Variants in TBX10 observed in about 807,000 individuals in gnomAD.
The protein encoded by TBX10 is T-box transcription factor 10.
TBX10 carries 26 observed loss-of-function variants against 32.4 expected under a neutral mutation model. The ratio of observed to expected loss-of-function variants is 0.80; its 90% CI spans 0.59 to 1.11. The LOEUF is 1.11. TBX10 is among the 50% of genes most tolerant of loss of function. The pLI is 0.00. For missense variants in TBX10, 490 were observed against 494.5 expected, an observed-to-expected ratio of 0.99 and a Z score of 0.09; for synonymous variants, 195 against 203.1, an observed-to-expected ratio of 0.96 and a Z score of 0.34.
chr11:67,634,097 C>T, intron 4 of TBX10, 92 bp downstream of exon 4: 1 of 1,568,534 alleles, frequency 6.4e-7, no homozygotes, highest in Non-Finnish European at 8.7e-7. Context: ...CAGCAGCAGG[C>T]AGAGGTGCTG....
Position 67,632,359 on chromosome 11 carries a change from A to C in TBX10, c.827T>G (p.Leu276Arg), listed in dbSNP as rs1402887667. The C allele has an allele frequency of 6.2e-7, 1 of 1,613,318 alleles. No individual in the cohort carries two copies. The highest frequency in any genetic ancestry group is 8.5e-7 in the Non-Finnish European group (1 of 1,180,012). ...GGCACCCTTCAGCACACAGGGACTG[A>C]GGCTGCTGTGACTCCGGGCTGGGAC... ...LSVPARSHSS[L>R]SPCVLKGATD... is the part of the protein sequence containing the mutation. Residue 276 changes from leucine to arginine, a missense_variant, in exon 7 of 8, where the codon CTC (leucine) becomes CGC (arginine). Transcript: ENST00000335385.
rs922647111 is a variant in TBX10 at position 67,634,696 on chromosome 11, G to T, written c.377+120C>A. 29 of 1,152,272 alleles carry T rather than the reference G, an allele frequency of 2.5e-5. No homozygotes were observed. The African/African-American group carries it at 2.9e-4, about 11-fold the overall frequency. The allele number at this position is 1,152,272 out of a possible 1,614,324, so 71.4% of individuals were successfully genotyped here. On this transcript the variant is annotated intron_variant, in intron 3 of 7. Coordinates refer to ENST00000335385, the MANE Select transcript of TBX10 (RefSeq NM_005995.5). ...TTGCGTGTCTGTCGTCCTGCCCTTA[G>T]GCTGGACCTCCCTGGCATTGTTTGG...
At position 67,634,431 on chromosome 11, in the gene TBX10, A is replaced by C. The variant is rs1855291610; in HGVS notation, c.378-71T>G. 3 of 1,567,494 alleles carry C rather than the reference A, an allele frequency of 1.9e-6. No homozygotes were observed. In the African/African-American group the frequency reaches 4.0e-5, roughly 21 times the overall value. On this transcript the variant is annotated intron_variant, in intron 3 of 7. Transcript: ENST00000335385. The stretch of plus-strand genomic sequence containing the variant: ...CGCCTGAACAATACAGGCGGGGTGA[A>C]GGGGCTGCTGCCGACTCCAACACTG...
chr11:67,635,681 T>A (rs138847029), intron 1 of TBX10, among the ~76,000 whole-genome samples: 163 of 130,468 alleles, frequency 1.2e-3, no homozygotes, highest in African/African-American at 4.3e-3. Context: ...CTAGATGATA[T>A]GTGTGTGGGG....
Position 67,639,624 on chromosome 11 carries a change from T to A in TBX10, c.-152A>T. The A allele has an allele frequency of 1.0e-6, 1 of 997,630 alleles. No homozygotes were observed. Among genetic ancestry groups the A allele is most frequent in the Non-Finnish European group, 1.5e-6 (1 of 646,600 alleles). The allele number at this position is 997,630 out of a possible 1,614,324, so 61.8% of individuals were successfully genotyped here. A position where few individuals can be genotyped will look rare whatever the true frequency, so the allele number is the denominator to read the frequency against. ...AAGCTGTAGTCTCTCGGCAGGACGG[T>A]CCTTGCCTCCTCGATCGCCCTTCGT... On this transcript the variant is annotated 5_prime_UTR_variant, in exon 1 of 8. Transcript: ENST00000335385.
Position 67,639,456 on chromosome 11 carries a change from C to T in TBX10, c.7+10G>A, listed in dbSNP as rs73490597. On this transcript the variant is annotated intron_variant, in intron 1 of 7. Coordinates refer to ENST00000335385, the MANE Select transcript of TBX10 (RefSeq NM_005995.5). The stretch of plus-strand genomic sequence containing the variant: ...CCATGAGGCCACCTCTGCTTCAGAA[C>T]GTAGCCTACCTGCCATGGAGACAGA... 2.1e-3 allele frequency: 2,874 copies of T among 1,387,918 alleles called. 44 individuals are homozygous for T. The African/African-American group carries it at 0.039, about 19-fold the overall frequency. 86.0% of individuals were successfully genotyped at this position (1,387,918 alleles called of 1,614,324 possible).
At chr11:67,632,858 C>G in intron 5 of TBX10, 90 bp downstream of exon 5, 1 of 1,604,666 alleles carries the variant, frequency 6.2e-7, no homozygotes, top group Non-Finnish European at 8.5e-7. Context: ...GGGCAGTAGT[C>G]TGTGCCAGTG....
At chr11:67,636,525 T>A (rs563046070) in intron 1 of TBX10, among the ~76,000 whole-genome samples, 8 of 67,240 alleles carry the variant, frequency 1.2e-4, no homozygotes, top group South Asian at 5.6e-4. Flanking sequence ...TTATTTATTT[T>A]TTTCCAGAGT....
rs1307669581 is a variant in TBX10, at chr11:67,635,209, G to A, written c.62C>T (p.Pro21Leu). Residue 21 changes from proline (P) to leucine (L), a missense_variant, in exon 2 of 8, where the codon CCT (proline) becomes CTT (leucine). Coordinates refer to ENST00000335385, the MANE Select transcript of TBX10 (RefSeq NM_005995.5). ...GGGCTCCCAGCCAGAGCTGGTTGTA[G>A]GTAGGGGGTAGGTCTCTGAGGGTGC... ...ILAPSETYPLPTTSSGWEPRL... is the reference protein window; with the variant it reads ...ILAPSETYPLLTTSSGWEPRL... 1.2e-6 allele frequency: 2 copies of A among 1,613,834 alleles called. No individual in the cohort carries two copies. Among genetic ancestry groups the A allele is most frequent in the Non-Finnish European group, 1.7e-6 (2 of 1,180,026 alleles).
chr11:67,635,810 G>A (rs1255111984), intron 1 of TBX10, among the ~76,000 whole-genome samples: 2 of 152,076 alleles, frequency 1.3e-5, no homozygotes, highest in Non-Finnish European at 2.9e-5. Context: ...CCCTGACCTT[G>A]ACAACCCGCC....
intron 5 of TBX10, 130 bp from the exon 6 acceptor site, chr11:67,632,800 G>A (rs1263787274): frequency 9.1e-6 from 14 of 1,541,966 alleles, no homozygotes; most frequent in Non-Finnish European, 1.1e-5. Context: ...GCTGATAGGA[G>A]TGCGGGCAGG....
rs141713257 is a variant in TBX10, at chr11:67,633,011, G to A, written c.642C>T (p.Asn214=). ...RKDSERYAQE[N]FKSFIFTETQ... ...TCTCTGTGAAGATGAAGGACTTGAAGTTCTCCTGGGCATAGCGCTCACTGT... is the reference window on the plus strand; with the variant it reads ...TCTCTGTGAAGATGAAGGACTTGAAATTCTCCTGGGCATAGCGCTCACTGT... The change falls in exon 5 of 8, where the codon AAC becomes AAT. Residue 214 remains asparagine, a synonymous_variant. Transcript: ENST00000335385. The A allele has an allele frequency of 1.2e-5, 20 of 1,614,128 alleles. No homozygotes were observed. The highest frequency in any genetic ancestry group is 1.5e-5 in the Non-Finnish European group (18 of 1,180,034).
chr11:67,635,380 T>C, intron 1 of TBX10, 117 bp from the exon 2 acceptor site: 5 of 1,425,946 alleles, frequency 3.5e-6, no homozygotes, highest in Non-Finnish European at 4.8e-6. Flanking sequence ...CAGGGCTGTG[T>C]TCTCACAGGA....
At chr11:67,638,799 C>G (rs1301348250) in intron 1 of TBX10, among the ~76,000 whole-genome samples, 1 of 152,192 alleles carries the variant, frequency 6.6e-6, no homozygotes, top group Middle Eastern at 3.2e-3. Flanking sequence ...CTGATGTCCC[C>G]CTGCCCCTGT....
intron 3 of TBX10, 100 bp downstream of exon 3, chr11:67,634,716 G>A (rs2134099820): frequency 7.5e-7 from 1 of 1,335,430 alleles, no homozygotes; most frequent in Non-Finnish European, 1.1e-6. Flanking sequence ...CCCTGGCATT[G>A]TTTGGACAGG....
In TBX10 at chr11:67,631,528, G is replaced by C; in HGVS notation, c.*77C>G. The C allele has an allele frequency of 6.6e-7, 1 of 1,516,326 alleles. No homozygotes were observed. Among genetic ancestry groups the C allele is most frequent in the Non-Finnish European group, 8.9e-7 (1 of 1,128,724 alleles). 93.9% of individuals were successfully genotyped at this position (1,516,326 alleles called of 1,614,324 possible). The stretch of plus-strand genomic sequence containing the variant: ...TCCTTGAGACAGAGATGGGGCTGGA[G>C]GGGGCGGGGCAGAGGCTGATTCCCA... On this transcript the variant is annotated 3_prime_UTR_variant, in exon 8 of 8. Transcript: ENST00000335385.
Position 67,632,607 on chromosome 11 carries a change from AG to A in TBX10, c.768del (p.Ser257ProfsTer25). The A allele has an allele frequency of 6.2e-7, 1 of 1,614,052 alleles. No homozygotes were observed. Among genetic ancestry groups the A allele is most frequent in the Non-Finnish European group, 8.5e-7 (1 of 1,180,010 alleles). ...FAKGFRESDLDSWPVAPRPLL... is the reference protein window; with the variant it reads ...FAKGFRESDLXSWPVAPRPLL... ...AGGGTCAGGGTCAGACAGTACCAGGAGTCCAGGTCACTCTCTCTAAAGCCTT... is the reference window on the plus strand; with the variant it reads ...AGGGTCAGGGTCAGACAGTACCAGGATCCAGGTCACTCTCTCTAAAGCCTT... On this transcript the variant is annotated frameshift_variant, in exon 6 of 8. Transcript: ENST00000335385. LOFTEE classifies it high-confidence loss of function.
intron 1 of TBX10, among the ~76,000 whole-genome samples, chr11:67,637,382 G>T (rs974758912): frequency 1.3e-5 from 2 of 152,050 alleles, no homozygotes; most frequent in African/African-American, 2.4e-5. Context: ...TGCAGAAAGG[G>T]TACACTCGCC....
At chr11:67,634,944 G>A (rs754402523) in intron 2 of TBX10, 27 bp from the exon 3 acceptor site, 48 of 1,612,968 alleles carry the variant, frequency 3.0e-5, no homozygotes, top group Admixed American at 1.3e-4. Context: ...CTCAGCAGCC[G>A]GATGCGGCTC....
Sources: allele counts gnomAD v4.1 joint callset (sites outside exome capture counted in the v4.1 genomes callset), GRCh38; gene constraint gnomAD v4.1.1; transcripts MANE v1.5; gene names NCBI Gene and HGNC (gene_info 2026-07-23, HGNC 2026-07-21).